Variants in LMNTD1 observed in about 807,000 individuals in gnomAD.
LMNTD1 encodes the protein lamin tail domain containing 1, also known as lamin tail domain-containing protein 1.
In LMNTD1, 35 loss-of-function variants were observed where a neutral mutation model predicts 50.9. The ratio of observed to expected loss-of-function variants is 0.69; its 90% CI spans 0.53 to 0.91. The LOEUF is 0.91. Among genes scored for constraint, LMNTD1 ranks in the 40% least tolerant of loss-of-function variants. The pLI is 0.00. For synonymous variants in LMNTD1, 153 were observed against 161.9 expected (o/e 0.94, Z 0.42); for missense variants, 470 against 475.5 (o/e 0.99, Z 0.11).
At chr12:25,502,278 G>A (rs1939439402) in intron 9 of LMNTD1, among the ~76,000 whole-genome samples, 1 of 151,328 alleles carries the variant, frequency 6.6e-6, no homozygotes, top group Non-Finnish European at 1.5e-5. Flanking sequence ...CAACTCATAT[G>A]CAAATTCAGT....
At chr12:25,601,867 T>G (rs1006650864) in intron 1 of LMNTD1, among the ~76,000 whole-genome samples, 2 of 151,956 alleles carry the variant, frequency 1.3e-5, no homozygotes, top group African/African-American at 2.4e-5. Context: ...GTATGTGTAA[T>G]GATTACATCA....
intron 1 of LMNTD1, among the ~76,000 whole-genome samples, chr12:25,608,855 T>A (rs542695306): frequency 6.6e-6 from 1 of 152,350 alleles, no homozygotes; most frequent in African/African-American, 2.4e-5. Context: ...TTCCTGAATT[T>A]GAATGTTGCC....
At chr12:25,627,022 G>C (rs983977570) in intron 1 of LMNTD1, among the ~76,000 whole-genome samples, 7 of 152,162 alleles carry the variant, frequency 4.6e-5, no homozygotes, top group Non-Finnish European at 1.0e-4. Context: ...AATAAAAAAG[G>C]ATCTATTCCA....
intron 1 of LMNTD1, among the ~76,000 whole-genome samples, chr12:25,597,395 TAAG>T (rs1209169889): frequency 6.6e-6 from 1 of 152,038 alleles, no homozygotes; most frequent in African/African-American, 2.4e-5. Flanking sequence ...ACAAAATCTA[TAAG>T]AAGAGACAAA....
intron 1 of LMNTD1, among the ~76,000 whole-genome samples, chr12:25,588,668 G>C (rs1325897867): frequency 6.6e-6 from 1 of 151,984 alleles, no homozygotes; most frequent in Non-Finnish European, 1.5e-5. Context: ...GGTTTCTGAG[G>C]TCCTGGAAAT....
At chr12:25,603,896 A>T (rs1017251879) in intron 1 of LMNTD1, among the ~76,000 whole-genome samples, 2 of 152,000 alleles carry the variant, frequency 1.3e-5, no homozygotes, top group Admixed American at 6.6e-5. Flanking sequence ...GGGAAACTGC[A>T]AGTCAGGGAA....
chr12:25,515,837 T>C (rs1200980658), intron 8 of LMNTD1, among the ~76,000 whole-genome samples: 2 of 152,134 alleles, frequency 1.3e-5, no homozygotes, highest in Non-Finnish European at 2.9e-5. Context: ...TTTCTTTCTA[T>C]CTAAGATTCT....
rs755967881 is a variant in LMNTD1 at position 25,520,065 on chromosome 12, C to T, written c.809G>A (p.Trp270Ter). 6.2e-7 allele frequency: 1 copy of T among 1,608,660 alleles called. No homozygotes were observed. Residue 270 changes from tryptophan to a stop codon, truncating the protein, a stop_gained, in exon 7 of 10, where the codon TGG (tryptophan) becomes TAG (stop). Coordinates refer to ENST00000458174, the MANE Select transcript of LMNTD1 (RefSeq NM_001145728.2). LOFTEE classifies it high-confidence loss of function. The stretch of plus-strand genomic sequence containing the variant: ...TTGCTTCCAGTGGATAGGGGTGTAC[C>T]ACGCAATGGCCTAATGAAAATGATT... Reference protein sequence around the residue: ...LCKPNGQAIAWYTPIHWKQAW... With the variant: ...LCKPNGQAIA
chr12:25,509,599 T>G (rs1940099592), intron 8 of LMNTD1, among the ~76,000 whole-genome samples: 2 of 152,216 alleles, frequency 1.3e-5, no homozygotes, highest in South Asian at 4.1e-4. Context: ...TGTGTCTCCC[T>G]AAAAGATGTG....
At position 25,513,481 on chromosome 12, in the gene LMNTD1, C is replaced by A. The variant is rs903959886; in HGVS notation, c.1189+5314G>T. Reference sequence around the variant, plus strand: ...CAAAGCCCTGTCTGTACTAAAAATACAAAAATTAGCTGGGTGTGGTGGCGT... The same window carrying A: ...CAAAGCCCTGTCTGTACTAAAAATAAAAAAATTAGCTGGGTGTGGTGGCGT... On this transcript the variant is annotated intron_variant, in intron 8 of 9. Transcript: ENST00000458174. 2.6e-5 allele frequency among the ~76,000 whole-genome samples: 4 copies of A among 152,094 alleles called. No homozygotes were observed. The East Asian group carries it at 5.8e-4, about 22-fold the overall frequency.
intron 1 of LMNTD1, among the ~76,000 whole-genome samples, chr12:25,620,311 A>G (rs1384070861): frequency 6.6e-6 from 1 of 152,180 alleles, no homozygotes; most frequent in Non-Finnish European, 1.5e-5. Flanking sequence ...ATTCCATTTA[A>G]TTCTGTTCTC....
At chr12:25,549,036 G>T (rs1262476684) in intron 3 of LMNTD1, among the ~76,000 whole-genome samples, 1 of 151,892 alleles carries the variant, frequency 6.6e-6, no homozygotes, top group Non-Finnish European at 1.5e-5. Context: ...TAATTCTCTA[G>T]CAATTCTAAT....
At chr12:25,630,575 G>A (rs1263648876) in intron 1 of LMNTD1, 1 of 152,274 alleles carries the variant, frequency 6.6e-6, no homozygotes, top group African/African-American at 2.4e-5. Flanking sequence ...TCTGTTTGCA[G>A]GAGACGTTTC....
chr12:25,532,443 C>T (rs151253325), intron 4 of LMNTD1, among the ~76,000 whole-genome samples: 6 of 152,206 alleles, frequency 3.9e-5, no homozygotes, highest in African/African-American at 1.4e-4. Flanking sequence ...TTTATTCACC[C>T]AGTCATACGA....
At chr12:25,613,011 T>A (rs1281676643) in intron 1 of LMNTD1, among the ~76,000 whole-genome samples, 1 of 152,100 alleles carries the variant, frequency 6.6e-6, no homozygotes, top group Admixed American at 6.6e-5. Flanking sequence ...AAGAGCAATG[T>A]CATGAGCCAT....
intron 1 of LMNTD1, among the ~76,000 whole-genome samples, chr12:25,603,401 T>G (rs1189474264): frequency 6.6e-6 from 1 of 152,088 alleles, no homozygotes; most frequent in Non-Finnish European, 1.5e-5. Flanking sequence ...ATCTGCCTTT[T>G]GAAGTCAGAT....
At chr12:25,625,553 G>T (rs914359996) in intron 1 of LMNTD1, among the ~76,000 whole-genome samples, 1 of 152,054 alleles carries the variant, frequency 6.6e-6, no homozygotes, top group Admixed American at 6.5e-5. Context: ...GTCTCTGGGG[G>T]GTTCTAGAAC....
chr12:25,476,384 G>A lies in LMNTD1; in HGVS notation c.*99C>T, dbSNP rs927523863. Reference sequence around the variant, plus strand: ...TCTTCACCCTCTCATGGAATAGCAGGGAGGTTGCAGAGCAGGCCTCAGGGA... The same window carrying A: ...TCTTCACCCTCTCATGGAATAGCAGAGAGGTTGCAGAGCAGGCCTCAGGGA... On this transcript the variant is annotated 3_prime_UTR_variant, in exon 10 of 10. Coordinates refer to ENST00000458174, the MANE Select transcript of LMNTD1 (RefSeq NM_001145728.2). The A allele has an allele frequency of 6.6e-6, 1 of 152,114 alleles. No homozygotes were observed. Among genetic ancestry groups the A allele is most frequent in the Non-Finnish European group, 1.5e-5 (1 of 68,020 alleles). 9.4% of individuals were successfully genotyped at this position (152,114 alleles called of 1,614,324 possible).
intron 9 of LMNTD1, among the ~76,000 whole-genome samples, chr12:25,490,818 A>G (rs1242421011): frequency 2.0e-5 from 3 of 152,208 alleles, no homozygotes; most frequent in Admixed American, 6.5e-5. Context: ...CCACCCAGGA[A>G]GAGAGTTAAA....
Sources: gnomAD v4.1 joint callset for allele counts (sites outside exome capture counted in the v4.1 genomes callset) on GRCh38, gnomAD v4.1.1 for gene constraint, MANE v1.5 for transcripts, NCBI Gene and HGNC (gene_info 2026-07-23, HGNC 2026-07-21) for gene names.